The following RPSA2 variants were observed in gnomAD, a reference collection of about 807,000 sequenced individuals.
RPSA2 encodes ribosomal protein SA 2, also known as small ribosomal subunit protein uS2B.
chr19:23,808,591 G>C, the RPSA2 span: 412 of 264,402 alleles, frequency 1.6e-3, 1 homozygote, highest in African/African-American at 8.6e-3. Flanking sequence ...AAACATTTCT[G>C]TTATAAATTA....
At chr19:23,806,329 C>T in the RPSA2 span, among the ~76,000 whole-genome samples, 1 of 151,952 alleles carries the variant, frequency 6.6e-6, no homozygotes, top group Non-Finnish European at 1.5e-5. Context: ...AGGCATGAGC[C>T]ACAGCATCCA....
the RPSA2 span, among the ~76,000 whole-genome samples, chr19:23,855,862 C>T: frequency 1.3e-5 from 2 of 151,962 alleles, no homozygotes; most frequent in Non-Finnish European, 1.5e-5. Context: ...TAGTTTGGTC[C>T]CAGAGCCATT....
At chr19:23,804,679 A>G in the RPSA2 span, among the ~76,000 whole-genome samples, 5 of 152,132 alleles carry the variant, frequency 3.3e-5, no homozygotes, top group Non-Finnish European at 1.5e-5. Flanking sequence ...TAAAACACCC[A>G]TTTATGGACC....
chr19:23,794,197 A>G, the RPSA2 span, among the ~76,000 whole-genome samples: 2 of 152,232 alleles, frequency 1.3e-5, no homozygotes, highest in Admixed American at 1.3e-4. Context: ...AATAATTTGT[A>G]TTTCTTTGGG....
chr19:23,862,610 C>T, the RPSA2 span, among the ~76,000 whole-genome samples: 2 of 152,000 alleles, frequency 1.3e-5, no homozygotes, highest in African/African-American at 2.4e-5. Context: ...TTTTCAAAGG[C>T]CTTTTCTGCA....
the RPSA2 span, among the ~76,000 whole-genome samples, chr19:23,845,925 T>C: frequency 6.6e-6 from 1 of 152,190 alleles, no homozygotes; most frequent in Non-Finnish European, 1.5e-5. Context: ...AGTAGGTAGT[T>C]GATATAATTT....
the RPSA2 span, among the ~76,000 whole-genome samples, chr19:23,847,817 G>T: frequency 6.6e-6 from 1 of 152,054 alleles, no homozygotes. Flanking sequence ...CTCCCCCCAG[G>T]AATGCAATTC....
chr19:23,813,745 C>T, the RPSA2 span, among the ~76,000 whole-genome samples: 1 of 4,926 alleles, frequency 2.0e-4, no homozygotes, highest in African/African-American at 4.8e-4. Context: ...TTTTTTGAGA[C>T]AGAGTCTCAC....
the RPSA2 span, among the ~76,000 whole-genome samples, chr19:23,857,404 G>C: frequency 9.9e-4 from 150 of 151,748 alleles, no homozygotes; most frequent in African/African-American, 3.2e-3. Context: ...GGCTCCAGCC[G>C]GTCCCTCCAT....
the RPSA2 span, among the ~76,000 whole-genome samples, chr19:23,865,402 A>G: frequency 6.6e-6 from 1 of 152,142 alleles, no homozygotes; most frequent in Non-Finnish European, 1.5e-5. Flanking sequence ...GAAAATTGGG[A>G]CACAGTAGGA....
chr19:23,845,820 A>G, the RPSA2 span, among the ~76,000 whole-genome samples: 1 of 151,398 alleles, frequency 6.6e-6, no homozygotes. Flanking sequence ...ATTTACAGTG[A>G]CTGTTTGGGA....
chr19:23,787,850 G>A, the RPSA2 span, among the ~76,000 whole-genome samples: 1 of 152,076 alleles, frequency 6.6e-6, no homozygotes, highest in African/African-American at 2.4e-5. Context: ...TACATAATAC[G>A]TTGTGACATA....
At chr19:23,847,491 C>T in the RPSA2 span, among the ~76,000 whole-genome samples, 1 of 152,098 alleles carries the variant, frequency 6.6e-6, no homozygotes, top group South Asian at 2.1e-4. Flanking sequence ...AGCCACAAAA[C>T]CAGCAGGTTT....
the RPSA2 span, among the ~76,000 whole-genome samples, chr19:23,804,142 TTGC>T: frequency 6.6e-6 from 1 of 152,190 alleles, no homozygotes; most frequent in Non-Finnish European, 1.5e-5. Context: ...TACTCAGAAA[TTGC>T]TGCTTTCTGT....
At chr19:23,857,976 A>G in the RPSA2 span, among the ~76,000 whole-genome samples, 1 of 152,008 alleles carries the variant, frequency 6.6e-6, no homozygotes, top group East Asian at 1.9e-4. Context: ...TTTAGAATTT[A>G]CATTCACTGG....
At chr19:23,822,738 G>A in the RPSA2 span, among the ~76,000 whole-genome samples, 1 of 152,110 alleles carries the variant, frequency 6.6e-6, no homozygotes, top group Non-Finnish European at 1.5e-5. Flanking sequence ...GTAGCCTGGG[G>A]CATGATACCA....
At chr19:23,779,718 C>T in the RPSA2 span, among the ~76,000 whole-genome samples, 1 of 152,168 alleles carries the variant, frequency 6.6e-6, no homozygotes, top group Admixed American at 6.5e-5. Context: ...CTCGTCCTGT[C>T]CACAGGGTTT....
At chr19:23,790,661 G>C in the RPSA2 span, 1 of 343,066 alleles carries the variant, frequency 2.9e-6, no homozygotes. Context: ...TCCAGGTGTC[G>C]TCTTCACTGC....
chr19:23,778,069 G>T, the RPSA2 span, among the ~76,000 whole-genome samples: 2 of 152,138 alleles, frequency 1.3e-5, no homozygotes, highest in African/African-American at 4.8e-5. Flanking sequence ...AAGTTATTTT[G>T]CCTGGTCCTG....
Sources: gnomAD v4.1 joint callset for allele counts (sites outside exome capture counted in the v4.1 genomes callset) on GRCh38, gnomAD v4.1.1 for gene constraint, MANE v1.5 for transcripts, NCBI Gene and HGNC (gene_info 2026-07-23, HGNC 2026-07-21) for gene names.